Variants in SLC2A9 observed in about 807,000 individuals in gnomAD.
The protein encoded by SLC2A9 is solute carrier family 2, facilitated glucose transporter member 9.
A neutral mutation model predicts 50.6 loss-of-function variants in SLC2A9; 39 were observed. The observed-to-expected ratio is 0.77, with a 90% CI of 0.60 to 1.01. SLC2A9 has a LOEUF of 1.01. Among genes scored for constraint, SLC2A9 ranks in the 50% least tolerant of loss-of-function variants. SLC2A9 has a pLI of 0.00. For missense variants in SLC2A9, 686 were observed against 677.6 expected, an observed-to-expected ratio of 1.01 and a Z score of -0.14; for synonymous variants, 324 against 276.9, an observed-to-expected ratio of 1.17 and a Z score of -1.69.
chr4:9,879,568 A>G, intron 10 of SLC2A9: 1 of 985,350 alleles, frequency 1.0e-6, no homozygotes, highest in African/African-American at 1.7e-5. Context: ...CCTTTTTCCA[A>G]GCAAGGTATG....
chr4:9,860,588 T>C (rs1731449442), intron 10 of SLC2A9, among the ~76,000 whole-genome samples: 1 of 152,252 alleles, frequency 6.6e-6, no homozygotes, highest in Non-Finnish European at 1.5e-5. Flanking sequence ...GACTCATTCA[T>C]TTCGTCCCTT....
chr4:9,848,439 A>C (rs547119183), intron 10 of SLC2A9, among the ~76,000 whole-genome samples: 6 of 151,864 alleles, frequency 4.0e-5, no homozygotes, highest in African/African-American at 1.4e-4. Flanking sequence ...CAAAAGGGGC[A>C]GGTCCCTCCA....
intron 6 of SLC2A9, among the ~76,000 whole-genome samples, chr4:9,922,080 T>C (rs1422655839): frequency 1.3e-5 from 2 of 152,352 alleles, no homozygotes; most frequent in East Asian, 1.9e-4. Context: ...GGATATGATG[T>C]CATTCCTTTT....
chr4:9,861,060 A>G (rs1229107043), intron 10 of SLC2A9, among the ~76,000 whole-genome samples: 1 of 152,164 alleles, frequency 6.6e-6, no homozygotes, highest in African/African-American at 2.4e-5. Flanking sequence ...ACTTATTGCT[A>G]CACGTATTAG....
chr4:9,887,606 C>A lies in SLC2A9; in HGVS notation c.1252G>T (p.Gly418Cys). ...APWVPYLSIV[G>C]ILAIIASFCS... ...AAAGAGGCGATGATGGCCAGAATGC[C>A]CACGATACTCAGGTAGGGGACCCAG... The change falls in exon 10 of 12, where the codon GGC becomes TGC. Residue 418 changes from glycine to cysteine, a missense_variant. Gly to Cys is a radical substitution (Grantham distance 159, BLOSUM62 -3). Coordinates refer to ENST00000264784, the MANE Select transcript of SLC2A9 (RefSeq NM_020041.3). The A allele has an allele frequency of 6.4e-7, 1 of 1,568,210 alleles. No individual in the cohort carries two copies.
At chr4:9,796,225 A>AGT (rs1720579612), downstream of SLC2A9, among the ~76,000 whole-genome samples, 1 of 152,194 alleles carries the variant, frequency 6.6e-6, no homozygotes, top group Non-Finnish European at 1.5e-5. Context: ...TTTTTTGAGC[A>AGT]GCCCTCATGA....
intron 2 of SLC2A9, among the ~76,000 whole-genome samples, chr4:9,999,615 G>A (rs551020800): frequency 6.6e-6 from 1 of 152,104 alleles, no homozygotes; most frequent in Non-Finnish European, 1.5e-5. Context: ...GGGAAGGAGT[G>A]GGCTGGATGA....
chr4:9,995,193 G>A (rs183021241), intron 3 of SLC2A9, among the ~76,000 whole-genome samples: 75 of 152,244 alleles, frequency 4.9e-4, no homozygotes, highest in Admixed American at 2.0e-3. Context: ...TTAAACAAGA[G>A]AATGTGTGAG....
chr4:9,871,837 G>T (rs557674925), intron 10 of SLC2A9, among the ~76,000 whole-genome samples: 38 of 152,278 alleles, frequency 2.5e-4, no homozygotes, highest in African/African-American at 8.2e-4. Flanking sequence ...AGCCCTTCAT[G>T]TGCAAAGTGG....
chr4:9,880,167 T>A (rs138523262), intron 10 of SLC2A9: 1 of 985,352 alleles, frequency 1.0e-6, no homozygotes. Flanking sequence ...GATGGTCTCA[T>A]GGTCTAAGTG....
Position 9,782,347 on chromosome 4 carries a change from C to T in SLC2A9, n.386-2282G>A, listed in dbSNP as rs113695344. 5.5e-5 allele frequency: 88 copies of T among 1,613,950 alleles called. 1 individual carries two copies. The highest frequency in any genetic ancestry group is 7.1e-5 in the Non-Finnish European group (84 of 1,179,896). On this transcript the variant is annotated intron_variant and non_coding_transcript_variant, in intron 3 of 3. Transcript: ENST00000503803. ...AGGCAGTCGCCGAGGTGGCCGGTTACTGGCCCTTTGGAGCGTTCTGCGACG... is the reference window on the plus strand; with the variant it reads ...AGGCAGTCGCCGAGGTGGCCGGTTATTGGCCCTTTGGAGCGTTCTGCGACG...
chr4:9,937,522 G>C lies in SLC2A9; in HGVS notation c.814+4391C>G, dbSNP rs182596970. On this transcript the variant is annotated intron_variant, in intron 6 of 11. Transcript: ENST00000264784. Reference sequence around the variant, plus strand: ...AGTAACAGTGAGGGAGGAGGGCGCTGGTCTTCCGGGAGCAGGTGACTGCCA... The same window carrying C: ...AGTAACAGTGAGGGAGGAGGGCGCTCGTCTTCCGGGAGCAGGTGACTGCCA... 4.6e-5 allele frequency among the ~76,000 whole-genome samples: 7 copies of C among 152,282 alleles called. No individual in the cohort carries two copies. The East Asian group carries it at 1.4e-3, about 29-fold the overall frequency.
chr4:9,833,572 G>A (rs976989143), intron 11 of SLC2A9, among the ~76,000 whole-genome samples: 1 of 152,208 alleles, frequency 6.6e-6, no homozygotes, highest in Non-Finnish European at 1.5e-5. Context: ...GTGCGGCACA[G>A]AGCAACTGCT....
chr4:10,036,942 GC>G lies in SLC2A9; in HGVS notation c.-41+3187del, dbSNP rs139079268. The stretch of plus-strand genomic sequence containing the variant: ...CGCTCCTCCTTGGGCTTGCTAAGGA[GC>G]AAGCGGGGCCTCTAGACTTAATTGT... On this transcript the variant is annotated intron_variant, in intron 1 of 12. Transcript: ENST00000309065. Among the ~76,000 whole-genome samples the G allele has an allele frequency of 3.9e-3, 598 of 152,320 alleles. 6 individuals carry two copies. The highest frequency in any genetic ancestry group is 0.014 in the African/African-American group (562 of 41,560).
At chr4:9,974,646 A>T (rs1245804284) in intron 5 of SLC2A9, among the ~76,000 whole-genome samples, 1 of 152,204 alleles carries the variant, frequency 6.6e-6, no homozygotes, top group Non-Finnish European at 1.5e-5. Flanking sequence ...CATGGATTAG[A>T]ACAATCAATA....
Position 9,881,349 on chromosome 4 carries a change from G to A in SLC2A9, c.1291+6218C>T, listed in dbSNP as rs1463778559. On this transcript the variant is annotated intron_variant, in intron 10 of 11. Coordinates refer to ENST00000264784, the MANE Select transcript of SLC2A9 (RefSeq NM_020041.3). The stretch of plus-strand genomic sequence containing the variant: ...CTTCCCAGGTGACTGAGCAATGTTT[G>A]AGCACCACTGCTGTGGCTCTGATGG... Among the ~76,000 whole-genome samples, 7 of 152,154 alleles carry A rather than the reference G, an allele frequency of 4.6e-5. No homozygotes were observed. The East Asian group carries it at 1.2e-3, about 25-fold the overall frequency.
intron 5 of SLC2A9, among the ~76,000 whole-genome samples, chr4:9,943,912 C>A (rs190733254): frequency 1.3e-5 from 2 of 152,366 alleles, no homozygotes; most frequent in African/African-American, 4.8e-5. Context: ...GCCAGCCCCA[C>A]ACACAGCCAG....
chr4:9,995,239 C>T (rs1392647922), intron 3 of SLC2A9, among the ~76,000 whole-genome samples: 1 of 152,164 alleles, frequency 6.6e-6, no homozygotes, highest in Non-Finnish European at 1.5e-5. Flanking sequence ...ACAATGGCAT[C>T]TCTCACTACA....
intron 3 of SLC2A9, among the ~76,000 whole-genome samples, chr4:9,991,667 T>C (rs939023073): frequency 6.6e-6 from 1 of 152,056 alleles, no homozygotes; most frequent in African/African-American, 2.4e-5. Context: ...TAAACTAAAA[T>C]GAGGTCACAA....
Sources: allele counts gnomAD v4.1 joint callset (sites outside exome capture counted in the v4.1 genomes callset), GRCh38; gene constraint gnomAD v4.1.1; transcripts MANE v1.5; gene names NCBI Gene and HGNC (gene_info 2026-07-23, HGNC 2026-07-21).